SLC39A14: variants seen among roughly 807,000 people sequenced by gnomAD.
The protein encoded by SLC39A14 is metal cation symporter ZIP14.
A neutral mutation model predicts 45.5 loss-of-function variants in SLC39A14; 19 were observed. That is an observed-to-expected ratio of 0.42 (90% CI 0.29 to 0.61). SLC39A14 has a LOEUF of 0.61. SLC39A14 is among the 20% of genes least tolerant of loss of function. SLC39A14 has a pLI of 0.22. For missense variants in SLC39A14, 447 were observed against 616.5 expected (o/e 0.73, Z 2.91); for synonymous variants, 264 against 251.3 (o/e 1.05, Z -0.48).
At chr8:22,407,772 T>C (rs1835312871) in intron 2 of SLC39A14, among the ~76,000 whole-genome samples, 2 of 151,612 alleles carry the variant, frequency 1.3e-5, no homozygotes, top group African/African-American at 4.9e-5. Flanking sequence ...AGTGGTGTGA[T>C]CATAGCTCCT....
chr8:22,403,650 G>A (rs1403142516), intron 1 of SLC39A14, among the ~76,000 whole-genome samples: 3 of 151,846 alleles, frequency 2.0e-5, no homozygotes, highest in Non-Finnish European at 2.9e-5. Flanking sequence ...CGGGCACAGT[G>A]GCTCATGCCT....
intron 4 of SLC39A14, among the ~76,000 whole-genome samples, chr8:22,412,764 T>G (rs1366138132): frequency 2.0e-5 from 3 of 152,022 alleles, no homozygotes; most frequent in Non-Finnish European, 4.4e-5. Context: ...GCCAACATGG[T>G]GAAACCCCGT....
At chr8:22,410,374 C>T (rs917062083) in intron 3 of SLC39A14, among the ~76,000 whole-genome samples, 6 of 152,198 alleles carry the variant, frequency 3.9e-5, no homozygotes, top group Non-Finnish European at 7.3e-5. Flanking sequence ...AGTCTCCCCT[C>T]CCTTGTTAAG....
Position 22,367,989 on chromosome 8 carries a change from G to A in SLC39A14, c.-16+581G>A, listed in dbSNP as rs577947373. On this transcript the variant is annotated intron_variant, in intron 1 of 8. Coordinates refer to ENST00000381237, the MANE Select transcript of SLC39A14 (RefSeq NM_001128431.4). The surrounding 1 kb of genome is among the most constrained non-coding windows in gnomAD (Gnocchi z 4.2). ...AGGCTGCCCCCTCTTGGTGGGTGAG[G>A]GCAGTGGGACAAAGTCGCCATCCGA... 3.3e-5 allele frequency among the ~76,000 whole-genome samples: 5 copies of A among 152,296 alleles called. No individual in the cohort carries two copies. The highest frequency in any genetic ancestry group is 1.2e-4 in the African/African-American group (5 of 41,554).
At position 22,419,908 on chromosome 8, in the gene SLC39A14, C is replaced by T. The variant is rs142071782; in HGVS notation, c.*210C>T. The T allele has an allele frequency of 5.7e-4, 718 of 1,267,494 alleles. 3 individuals carry two copies. Among genetic ancestry groups the T allele is most frequent in the South Asian group, 1.4e-3 (49 of 33,836 alleles). The allele number at this position is 1,267,494 out of a possible 1,614,324, so 78.5% of individuals were successfully genotyped here. A position where few individuals can be genotyped will look rare whatever the true frequency, so the allele number is the denominator to read the frequency against. On this transcript the variant is annotated 3_prime_UTR_variant, in exon 9 of 9. Transcript: ENST00000381237. The stretch of plus-strand genomic sequence containing the variant: ...GGTAACCAGTCTCTAGCTAGTGCCT[C>T]TTGCCCTCTCCTCACCTCCTTTTCT...
intron 3 of SLC39A14, chr8:22,409,938 C>T: frequency 1.2e-6 from 2 of 1,613,856 alleles, no homozygotes; most frequent in South Asian, 2.2e-5. Context: ...GTTCTTGTTC[C>T]TCCACAGTGT....
intron 1 of SLC39A14, among the ~76,000 whole-genome samples, chr8:22,374,566 C>T (rs1160575922): frequency 1.0e-5 from 1 of 99,000 alleles, no homozygotes; most frequent in Non-Finnish European, 1.9e-5. Flanking sequence ...ACACGTGGCC[C>T]AGAGTGGCTG....
intron 1 of SLC39A14, among the ~76,000 whole-genome samples, chr8:22,374,051 C>T (rs1287584140): frequency 6.6e-6 from 1 of 152,228 alleles, no homozygotes; most frequent in Non-Finnish European, 1.5e-5. Flanking sequence ...GGACTAAAGG[C>T]GTGAGCCACC....
In SLC39A14 at chr8:22,406,728, G is replaced by A. The variant is rs145931061; in HGVS notation, c.271-1582G>A. The stretch of plus-strand genomic sequence containing the variant: ...TTAAAAAAAGGGACGGGGGAACCAC[G>A]TGGCTTGGATGCGAACACCTGAGCA... On this transcript the variant is annotated intron_variant, in intron 2 of 8. Coordinates refer to ENST00000381237, the MANE Select transcript of SLC39A14 (RefSeq NM_001128431.4). Among the ~76,000 whole-genome samples the A allele has an allele frequency of 1.3e-4, 20 of 152,256 alleles. 1 individual carries two copies. In the South Asian group the frequency reaches 2.3e-3, roughly 17 times the overall value.
chr8:22,391,569 T>A (rs1393392182), intron 1 of SLC39A14, among the ~76,000 whole-genome samples: 1 of 151,688 alleles, frequency 6.6e-6, no homozygotes, highest in East Asian at 1.9e-4. Context: ...AGCTCCCTGT[T>A]CTTTTTTTTT....
At chr8:22,398,869 C>T (rs1374512071) in intron 1 of SLC39A14, 1 of 468,340 alleles carries the variant, frequency 2.1e-6, no homozygotes, top group Non-Finnish European at 2.8e-6. Context: ...GGTTCCAGAA[C>T]AGGTGTCTTG....
At chr8:22,408,583 A>G in intron 3 of SLC39A14, 87 bp downstream of exon 3, 22 of 1,248,624 alleles carry the variant, frequency 1.8e-5, no homozygotes, top group Non-Finnish European at 2.4e-5. Context: ...GCTGCTCCTC[A>G]CTGAATGCCT....
chr8:22,414,032 G>A (rs775535206), intron 4 of SLC39A14, among the ~76,000 whole-genome samples: 45 of 151,864 alleles, frequency 3.0e-4, no homozygotes, highest in Non-Finnish European at 4.7e-4. Context: ...CACCCACCTC[G>A]GTCCTTTAAA....
At chr8:22,397,245 G>A in intron 1 of SLC39A14, among the ~76,000 whole-genome samples, 1 of 152,154 alleles carries the variant, frequency 6.6e-6, no homozygotes, top group East Asian at 1.9e-4. Flanking sequence ...AGCACCCGCA[G>A]TCCTCAAGAG....
At chr8:22,373,689 A>C (rs1380380078) in intron 1 of SLC39A14, among the ~76,000 whole-genome samples, 1 of 152,038 alleles carries the variant, frequency 6.6e-6, no homozygotes, top group Non-Finnish European at 1.5e-5. Flanking sequence ...GTTCGAGATC[A>C]CTTAGCTTAA....
intron 1 of SLC39A14, among the ~76,000 whole-genome samples, chr8:22,370,935 C>T (rs1347266349): frequency 6.6e-6 from 1 of 152,102 alleles, no homozygotes; most frequent in African/African-American, 2.4e-5. Context: ...CATCGACTGT[C>T]GCCAGCCAGG....
chr8:22,424,908 A>T (rs907890363), downstream of SLC39A14, among the ~76,000 whole-genome samples: 1 of 151,606 alleles, frequency 6.6e-6, no homozygotes, highest in Non-Finnish European at 1.5e-5. Context: ...GTGCCTCTGT[A>T]ATCCCAGTTA....
Position 22,414,792 on chromosome 8 carries a change from A to C in SLC39A14, c.640A>C (p.Asn214His). 1 of 1,607,272 alleles carries C rather than the reference A, an allele frequency of 6.2e-7. No individual in the cohort carries two copies. The highest frequency in any genetic ancestry group is 8.5e-7 in the Non-Finnish European group (1 of 1,178,932). Residue 214 changes from asparagine to histidine, a missense_variant, in exon 5 of 9, where the codon AAC becomes CAC. This residue lies in a region of SLC39A14 where 342 missense variants were observed against 428.1 expected (regional missense o/e 0.80). Coordinates refer to ENST00000381237, the MANE Select transcript of SLC39A14 (RefSeq NM_001128431.4). The part of the protein sequence containing the change: ...FQLIPEAFGF[N>H]PLEDYYVSKS... ...CCTGGGTCCACAGGCATTTGGTTTC[A>C]ACCCTCTGGAAGATTATTATGTCTC...
chr8:22,368,618 C>T (rs1249878379), intron 1 of SLC39A14, among the ~76,000 whole-genome samples: 1 of 152,076 alleles, frequency 6.6e-6, no homozygotes, highest in African/African-American at 2.4e-5. Context: ...CTCACTGCAA[C>T]CTCCGCCTCC....
Sources: gnomAD v4.1 joint callset for allele counts (sites outside exome capture counted in the v4.1 genomes callset) on GRCh38, gnomAD v4.1.1 for gene constraint, gnomAD v4.1.1 regional missense constraint, Gnocchi (gnomAD v3.1) non-coding constraint, MANE v1.5 for transcripts, NCBI Gene and HGNC (gene_info 2026-07-23, HGNC 2026-07-21) for gene names.